Variants in IGSF5 observed in about 807,000 individuals in gnomAD.
IGSF5 encodes the protein immunoglobulin superfamily member 5, also known as immunoglobulin superfamily 5 like.
IGSF5 carries 41 observed loss-of-function variants against 39.4 expected under a neutral mutation model. The observed-to-expected ratio is 1.04, with a 90% CI of 0.81 to 1.35. The LOEUF (loss-of-function observed/expected upper bound fraction) is 1.35. IGSF5 is among the 40% of genes most tolerant of loss of function. IGSF5 has a pLI of 0.00. For missense variants in IGSF5, 487 were observed against 494.6 expected (o/e 0.98, Z 0.15); for synonymous variants, 183 against 175.3 (o/e 1.04, Z -0.34).
At chr21:39,756,880 G>A (rs4816650) in intron 2 of IGSF5, among the ~76,000 whole-genome samples, 72,475 of 151,672 alleles carry the variant, frequency 0.48, 18,838 homozygotes, top group South Asian at 0.69. Flanking sequence ...TTGGAAGGAA[G>A]GAACAAGAGG....
At chr21:39,727,840 G>A in the IGSF5 span, 10 of 152,280 alleles carry the variant, frequency 6.6e-5, no homozygotes, top group African/African-American at 2.2e-4. Flanking sequence ...GATGGGGTGT[G>A]TTTCTGTTCC....
chr21:39,731,134 A>G, the IGSF5 span, among the ~76,000 whole-genome samples: 5 of 152,128 alleles, frequency 3.3e-5, no homozygotes, highest in African/African-American at 1.2e-4. Flanking sequence ...CCACTCCCCC[A>G]TAGCCTCCCC....
At chr21:39,740,099 C>T in the IGSF5 span, among the ~76,000 whole-genome samples, 1 of 152,240 alleles carries the variant, frequency 6.6e-6, no homozygotes, top group South Asian at 2.1e-4. Context: ...GGTGGCTTGC[C>T]ATCCTGAGGG....
chr21:39,743,219 TTC>T (rs2079955563), upstream of IGSF5, among the ~76,000 whole-genome samples: 2 of 152,184 alleles, frequency 1.3e-5, no homozygotes, highest in Non-Finnish European at 2.9e-5. Flanking sequence ...TGGGGAATCA[TTC>T]TCTTTCTTCT....
intron 8 of IGSF5, among the ~76,000 whole-genome samples, chr21:39,794,995 G>A (rs2086987022): frequency 6.6e-6 from 1 of 152,086 alleles, no homozygotes; most frequent in African/African-American, 2.4e-5. Flanking sequence ...CATGTATTGG[G>A]AAAACCTAAG....
At chr21:39,773,967 G>A (rs967982657) in intron 4 of IGSF5, among the ~76,000 whole-genome samples, 18 of 152,214 alleles carry the variant, frequency 1.2e-4, no homozygotes, top group Non-Finnish European at 7.3e-5. Context: ...GGGAAAGAGA[G>A]CACTTAATTT....
At chr21:39,736,465 C>T in the IGSF5 span, among the ~76,000 whole-genome samples, 1 of 152,162 alleles carries the variant, frequency 6.6e-6, no homozygotes, top group South Asian at 2.1e-4. Context: ...ACACACACCT[C>T]AAAGCAAAAG....
intron 2 of IGSF5, among the ~76,000 whole-genome samples, chr21:39,751,693 A>G (rs2080006693): frequency 6.6e-6 from 1 of 152,204 alleles, no homozygotes; most frequent in Non-Finnish European, 1.5e-5. Flanking sequence ...CGAGGGTACA[A>G]ATGCAGTTTT....
At chr21:39,787,353 T>C (rs1231841759) in intron 5 of IGSF5, among the ~76,000 whole-genome samples, 1 of 152,040 alleles carries the variant, frequency 6.6e-6, no homozygotes, top group Non-Finnish European at 1.5e-5. Flanking sequence ...CTAAGGAAAA[T>C]GAGTATTTAA....
At chr21:39,717,135 G>GTTTTT in the IGSF5 span, among the ~76,000 whole-genome samples, 1 of 151,936 alleles carries the variant, frequency 6.6e-6, no homozygotes, top group Non-Finnish European at 1.5e-5. Flanking sequence ...CTTCTTGGAC[G>GTTTTT]CATGTATGTC....
chr21:39,718,683 A>G, the IGSF5 span, among the ~76,000 whole-genome samples: 1 of 152,254 alleles, frequency 6.6e-6, no homozygotes, highest in African/African-American at 2.4e-5. Context: ...CCAGGCTTGC[A>G]TCCTGGGGAT....
At chr21:39,714,317 C>T in the IGSF5 span, among the ~76,000 whole-genome samples, 1 of 152,196 alleles carries the variant, frequency 6.6e-6, no homozygotes, top group African/African-American at 2.4e-5. Context: ...AATCCATTGG[C>T]CTTGCTTCCC....
intron 8 of IGSF5, among the ~76,000 whole-genome samples, chr21:39,799,900 T>G (rs1217339885): frequency 6.6e-6 from 1 of 152,160 alleles, no homozygotes; most frequent in Non-Finnish European, 1.5e-5. Context: ...AAAAAGAGAT[T>G]CATTTTCAAA....
chr21:39,776,056 CTG>C (rs953327960), intron 4 of IGSF5, among the ~76,000 whole-genome samples: 8 of 152,044 alleles, frequency 5.3e-5, no homozygotes, highest in African/African-American at 1.9e-4. Context: ...TTCCAAGAGT[CTG>C]TGTTTTCTGT....
At position 39,765,790 on chromosome 21, in the gene IGSF5, G is replaced by A. The variant is rs1427676717; in HGVS notation, c.356G>A (p.Gly119Glu). The A allele has an allele frequency of 1.2e-6, 2 of 1,614,012 alleles. No individual in the cohort carries two copies. Among genetic ancestry groups the A allele is most frequent in the Non-Finnish European group, 1.7e-6 (2 of 1,179,998 alleles). ...IIHNVEPSDS[G>E]NIRCSLQNSR... ...CACAATGTGGAGCCCAGTGATTCGG[G>A]GAACATCAGATGCAGCCTCCAGAAC... Residue 119 changes from glycine (G) to glutamate (E), a missense_variant, in exon 3 of 9, where the codon GGG becomes GAG. Physicochemically the swap from Gly to Glu is moderately conservative, Grantham distance 98. Transcript: ENST00000380588.
the IGSF5 span, among the ~76,000 whole-genome samples, chr21:39,718,283 T>C: frequency 3.3e-5 from 5 of 152,224 alleles, no homozygotes; most frequent in African/African-American, 1.2e-4. Context: ...TAAAACCATG[T>C]CATCTACAAA....
chr21:39,792,101 T>A lies in IGSF5; in HGVS notation c.1048+2T>A. 1 of 1,598,950 alleles carries A rather than the reference T, an allele frequency of 6.3e-7. No individual in the cohort carries two copies. Among genetic ancestry groups the A allele is most frequent in the Middle Eastern group, 1.7e-4 (1 of 6,040 alleles). On this transcript the variant is annotated splice_donor_variant, in intron 7 of 8. Coordinates refer to ENST00000380588, the MANE Select transcript of IGSF5 (RefSeq NM_001080444.2). LOFTEE classifies it high-confidence loss of function. ...ATTCAGATGAACAAAAGACCACAGG[T>A]GAGTAGACAAGAGGGGTGGTGAAAA...
intron 3 of IGSF5, among the ~76,000 whole-genome samples, chr21:39,768,626 T>A (rs898848316): frequency 6.6e-6 from 1 of 152,234 alleles, no homozygotes; most frequent in Non-Finnish European, 1.5e-5. Flanking sequence ...CTTCTGTTAT[T>A]AACTGAGACA....
At chr21:39,732,144 A>G in the IGSF5 span, among the ~76,000 whole-genome samples, 1 of 152,200 alleles carries the variant, frequency 6.6e-6, no homozygotes, top group Non-Finnish European at 1.5e-5. Context: ...AGTGAATCCT[A>G]TAGCCCCAGC....
Sources: gnomAD v4.1 joint callset for allele counts (sites outside exome capture counted in the v4.1 genomes callset) on GRCh38, gnomAD v4.1.1 for gene constraint, MANE v1.5 for transcripts, NCBI Gene and HGNC (gene_info 2026-07-23, HGNC 2026-07-21) for gene names.